The following MSRB3 variants were observed in gnomAD, a reference collection of about 807,000 sequenced individuals.
The protein encoded by MSRB3 is methionine-R-sulfoxide reductase B3.
In MSRB3, 13 loss-of-function variants were observed where a neutral mutation model predicts 21.0. The ratio of observed to expected loss-of-function variants is 0.62; its 90% CI spans 0.40 to 0.98. MSRB3 has a LOEUF of 0.98. MSRB3 is among the 50% of genes least tolerant of loss of function. The pLI is 0.00. For synonymous variants in MSRB3, 87 were observed against 88.6 expected, an observed-to-expected ratio of 0.98 and a Z score of 0.10; for missense variants, 199 against 230.3, an observed-to-expected ratio of 0.86 and a Z score of 0.88.
chr12:65,440,042 G>A lies in MSRB3; in HGVS notation c.293-13686G>A, dbSNP rs1307487246. 3.3e-5 allele frequency among the ~76,000 whole-genome samples: 5 copies of A among 151,796 alleles called. No individual in the cohort carries two copies. In the East Asian group the frequency reaches 5.8e-4, roughly 18 times the overall value. Reference sequence around the variant, plus strand: ...GTAGAGCAGACTCGTAGACAACAGTGTAAACGACAGTTTATAAACATGGTA... The same window carrying A: ...GTAGAGCAGACTCGTAGACAACAGTATAAACGACAGTTTATAAACATGGTA... On this transcript the variant is annotated intron_variant, in intron 5 of 6. Coordinates refer to ENST00000308259, the MANE Select transcript of MSRB3 (RefSeq NM_001031679.3).
intron 5 of MSRB3, among the ~76,000 whole-genome samples, chr12:65,453,202 T>A (rs1379792557): frequency 1.3e-5 from 2 of 152,170 alleles, no homozygotes; most frequent in Non-Finnish European, 2.9e-5. Flanking sequence ...TAACCCTTTT[T>A]CCAGGAAATT....
chr12:65,285,093 T>A (rs1318964536), intron 1 of MSRB3: 1 of 152,218 alleles, frequency 6.6e-6, no homozygotes, highest in Admixed American at 6.5e-5. Flanking sequence ...CTCTTTATAC[T>A]TTTTTGGGGT....
At chr12:65,417,413 G>A (rs1881038288) in intron 5 of MSRB3, among the ~76,000 whole-genome samples, 1 of 152,068 alleles carries the variant, frequency 6.6e-6, no homozygotes, top group Non-Finnish European at 1.5e-5. Flanking sequence ...GTACAACATG[G>A]TGTTCTGATA....
intron 4 of MSRB3, among the ~76,000 whole-genome samples, chr12:65,353,677 C>G (rs561971140): frequency 1.2e-3 from 186 of 152,200 alleles, no homozygotes; most frequent in African/African-American, 4.3e-3. Flanking sequence ...GACTCTTTAT[C>G]CAATTTGCCA....
intron 1 of MSRB3, among the ~76,000 whole-genome samples, chr12:65,281,024 C>T (rs541059245): frequency 3.9e-5 from 6 of 152,082 alleles, no homozygotes; most frequent in African/African-American, 7.2e-5. Context: ...CCCAGGAGTT[C>T]GAGACCGGCC....
chr12:65,397,937 C>T (rs1879903517), intron 5 of MSRB3, among the ~76,000 whole-genome samples: 1 of 152,190 alleles, frequency 6.6e-6, no homozygotes, highest in Non-Finnish European at 1.5e-5. Flanking sequence ...AAGACATAAA[C>T]TCATCCTTTT....
At chr12:65,431,171 G>A (rs912566393) in intron 5 of MSRB3, among the ~76,000 whole-genome samples, 2 of 152,044 alleles carry the variant, frequency 1.3e-5, no homozygotes, top group Non-Finnish European at 2.9e-5. Context: ...ACTCTTTGAA[G>A]CAGTTACTTC....
chr12:65,409,047 C>T (rs1411519395), intron 5 of MSRB3, among the ~76,000 whole-genome samples: 2 of 152,100 alleles, frequency 1.3e-5, no homozygotes, highest in Non-Finnish European at 1.5e-5. Flanking sequence ...AAATGGGCCT[C>T]TCTGGAGTTT....
intron 4 of MSRB3, among the ~76,000 whole-genome samples, chr12:65,343,839 A>G (rs11175732): frequency 0.042 from 6,400 of 152,068 alleles, 438 homozygotes; most frequent in African/African-American, 0.15. Context: ...GGTAGCTATC[A>G]CACTCTGGTG....
At chr12:65,422,428 A>ATATATATATATATT (rs34413074) in intron 5 of MSRB3, among the ~76,000 whole-genome samples, 18 of 73,362 alleles carry the variant, frequency 2.5e-4, no homozygotes, top group Non-Finnish European at 2.8e-4. Flanking sequence ...ATATATATAT[A>ATATATATATATATT]TATTTATTTA....
chr12:65,402,422 A>G (rs1483097344), intron 5 of MSRB3, among the ~76,000 whole-genome samples: 1 of 152,174 alleles, frequency 6.6e-6, no homozygotes, highest in Non-Finnish European at 1.5e-5. Context: ...ACACTTGTGT[A>G]TGCTTCACGA....
In MSRB3 at chr12:65,440,884, G is replaced by A. The variant is rs150354515; in HGVS notation, c.293-12844G>A. Among the ~76,000 whole-genome samples the A allele has an allele frequency of 2.6e-5, 4 of 151,902 alleles. No individual in the cohort carries two copies. In the East Asian group the frequency reaches 7.7e-4, roughly 29 times the overall value. Reference sequence around the variant, plus strand: ...ACTTATTTAACAAGTTATCTATTTAGTGCCTACTCAGTACTAAGGAGCTAT... The same window carrying A: ...ACTTATTTAACAAGTTATCTATTTAATGCCTACTCAGTACTAAGGAGCTAT... On this transcript the variant is annotated intron_variant, in intron 5 of 6. Transcript: ENST00000308259.
At chr12:65,371,320 C>G (rs1878307513) in intron 5 of MSRB3, among the ~76,000 whole-genome samples, 1 of 118,126 alleles carries the variant, frequency 8.5e-6, no homozygotes, top group Non-Finnish European at 1.7e-5. Flanking sequence ...AAGAGCGAGA[C>G]TCCATCTCAA....
intron 2 of MSRB3, among the ~76,000 whole-genome samples, chr12:65,326,164 G>A (rs1243930697): frequency 6.6e-6 from 1 of 152,036 alleles, no homozygotes; most frequent in African/African-American, 2.4e-5. Context: ...GCCTTCTCCT[G>A]TAGTTTATTG....
At chr12:65,341,618 T>C (rs1474780604) in intron 4 of MSRB3, among the ~76,000 whole-genome samples, 1 of 151,914 alleles carries the variant, frequency 6.6e-6, no homozygotes, top group Non-Finnish European at 1.5e-5. Flanking sequence ...ATGACCCCGA[T>C]GTGGTAATTA....
intron 5 of MSRB3, among the ~76,000 whole-genome samples, chr12:65,375,139 C>G (rs1193444650): frequency 6.6e-6 from 1 of 152,120 alleles, no homozygotes; most frequent in East Asian, 1.9e-4. Flanking sequence ...GCCACCGCGC[C>G]CGGCCTATAT....
At chr12:65,339,468 G>A (rs1002364661) in intron 4 of MSRB3, among the ~76,000 whole-genome samples, 3 of 152,174 alleles carry the variant, frequency 2.0e-5, no homozygotes, top group Non-Finnish European at 2.9e-5. Flanking sequence ...GATTTCTGTG[G>A]TGCAGATACT....
chr12:65,326,037 G>A (rs878902756), intron 2 of MSRB3, among the ~76,000 whole-genome samples: 1 of 152,050 alleles, frequency 6.6e-6, no homozygotes, highest in Admixed American at 6.6e-5. Flanking sequence ...GATATACTTT[G>A]CAAAAAGAAA....
intron 5 of MSRB3, among the ~76,000 whole-genome samples, chr12:65,435,881 C>G (rs1045039859): frequency 1.3e-5 from 2 of 151,722 alleles, no homozygotes; most frequent in African/African-American, 4.8e-5. Context: ...TAGGGAGAGT[C>G]CAGATATTTT....
Sources: gnomAD v4.1 joint callset for allele counts (sites outside exome capture counted in the v4.1 genomes callset) on GRCh38, gnomAD v4.1.1 for gene constraint, MANE v1.5 for transcripts, NCBI Gene and HGNC (gene_info 2026-07-23, HGNC 2026-07-21) for gene names.